GPHN: variants seen among roughly 807,000 people sequenced by gnomAD.
GPHN encodes the protein gephyrin.
A neutral mutation model predicts 95.5 loss-of-function variants in GPHN; 17 were observed. That is an observed-to-expected ratio of 0.18 (90% CI 0.12 to 0.27). The LOEUF (loss-of-function observed/expected upper bound fraction) is 0.27. Ranked by LOEUF, GPHN falls within the 10% of genes least tolerant of loss-of-function variation. The pLI is 1.00. For synonymous variants in GPHN, 320 were observed against 322.5 expected (o/e 0.99, Z 0.08); for missense variants, 660 against 978.1 (o/e 0.67, Z 4.34).
At chr14:66,528,861 G>T (rs527601974) in intron 1 of GPHN, among the ~76,000 whole-genome samples, 1 of 152,106 alleles carries the variant, frequency 6.6e-6, no homozygotes. Flanking sequence ...TTCCTTTGTG[G>T]ATAACCCGAC....
the GPHN span, among the ~76,000 whole-genome samples, chr14:67,671,379 G>T: frequency 6.6e-6 from 1 of 151,816 alleles, no homozygotes; most frequent in Non-Finnish European, 1.5e-5. Context: ...TACAAAAATT[G>T]GCTAGGTGTG....
chr14:66,616,081 T>A (rs1368878377), intron 1 of GPHN, among the ~76,000 whole-genome samples: 2 of 151,838 alleles, frequency 1.3e-5, no homozygotes, highest in African/African-American at 4.8e-5. Context: ...TATGCCTGTT[T>A]TGGTACCAGT....
intron 2 of GPHN, among the ~76,000 whole-genome samples, chr14:66,683,848 G>T (rs2067161711): frequency 6.6e-6 from 1 of 151,518 alleles, no homozygotes; most frequent in African/African-American, 2.4e-5. Flanking sequence ...GTGGTGGCGG[G>T]CACCTGTAGT....
chr14:66,949,269 G>T (rs1209958082), intron 8 of GPHN, among the ~76,000 whole-genome samples: 2 of 152,078 alleles, frequency 1.3e-5, no homozygotes, highest in Non-Finnish European at 2.9e-5. Context: ...ATTTTTAGTA[G>T]AGACAGGGTC....
At chr14:67,316,726 A>G in the GPHN span, 1 of 812,152 alleles carries the variant, frequency 1.2e-6, no homozygotes, top group Non-Finnish European at 1.9e-6. Context: ...TTGGAAGGGA[A>G]TATAAGTGAA....
At chr14:67,203,110 A>C in the GPHN span, 1 of 1,613,006 alleles carries the variant, frequency 6.2e-7, no homozygotes, top group East Asian at 2.2e-5. Context: ...AGAAGAGGTG[A>C]ATCCATTTAC....
intron 2 of GPHN, among the ~76,000 whole-genome samples, chr14:66,759,541 A>G (rs947623348): frequency 6.6e-6 from 1 of 152,252 alleles, no homozygotes; most frequent in African/African-American, 2.4e-5. Context: ...TATCTGAGGT[A>G]AGAATAGCAA....
chr14:66,977,788 CTGTT>C (rs949879791), intron 9 of GPHN, among the ~76,000 whole-genome samples: 1 of 152,084 alleles, frequency 6.6e-6, no homozygotes, highest in African/African-American at 2.4e-5. Flanking sequence ...ATATACATAT[CTGTT>C]TGGTTTTTGT....
the GPHN span, among the ~76,000 whole-genome samples, chr14:67,698,449 A>G: frequency 6.6e-6 from 1 of 152,158 alleles, no homozygotes; most frequent in Non-Finnish European, 1.5e-5. Flanking sequence ...TGGGTGGCAG[A>G]GCAAAAACCT....
At chr14:67,520,653 G>T in the GPHN span, among the ~76,000 whole-genome samples, 2 of 151,028 alleles carry the variant, frequency 1.3e-5, no homozygotes, top group African/African-American at 4.9e-5. Flanking sequence ...CTCCATGCAG[G>T]TTTTTATGTG....
intron 1 of GPHN, among the ~76,000 whole-genome samples, chr14:66,563,120 CTA>C (rs1282520285): frequency 3.9e-5 from 6 of 152,012 alleles, no homozygotes; most frequent in African/African-American, 1.4e-4. Flanking sequence ...AATATATAAT[CTA>C]TGAAGAACTT....
chr14:67,204,501 G>A, the GPHN span: 3 of 1,581,850 alleles, frequency 1.9e-6, no homozygotes, highest in Non-Finnish European at 2.6e-6. Context: ...CCTCCCATCA[G>A]GTCTCCAGAT....
chr14:67,591,356 A>G, the GPHN span, among the ~76,000 whole-genome samples: 1 of 152,240 alleles, frequency 6.6e-6, no homozygotes. Flanking sequence ...CTTAAACACT[A>G]GAAATCTATA....
At chr14:67,231,245 T>C in the GPHN span, among the ~76,000 whole-genome samples, 6,460 of 152,224 alleles carry the variant, frequency 0.042, 823 homozygotes, top group East Asian at 0.42. Flanking sequence ...ATCAGATTAG[T>C]GGTTGCCTGG....
chr14:67,659,678 G>T, the GPHN span: 2 of 1,515,538 alleles, frequency 1.3e-6, no homozygotes, highest in Non-Finnish European at 8.9e-7. Flanking sequence ...GTTAATTTTT[G>T]TACCACAGGC....
intron 2 of GPHN, among the ~76,000 whole-genome samples, chr14:66,710,189 G>A (rs977719485): frequency 6.6e-6 from 1 of 152,056 alleles, no homozygotes; most frequent in Non-Finnish European, 1.5e-5. Flanking sequence ...TATTTTAAAA[G>A]TTCATTGATA....
chr14:66,675,947 T>G (rs1031374070), intron 1 of GPHN, among the ~76,000 whole-genome samples: 1 of 152,180 alleles, frequency 6.6e-6, no homozygotes, highest in Non-Finnish European at 1.5e-5. Flanking sequence ...CACTGATTCT[T>G]GCATGTTGAT....
the GPHN span, among the ~76,000 whole-genome samples, chr14:67,601,496 G>A: frequency 6.6e-6 from 1 of 152,154 alleles, no homozygotes. Context: ...AAGCAGGAGC[G>A]GGAGATGCAG....
At chr14:67,534,567 A>G in the GPHN span, among the ~76,000 whole-genome samples, 1 of 152,160 alleles carries the variant, frequency 6.6e-6, no homozygotes, top group Non-Finnish European at 1.5e-5. Context: ...GCCATAACTG[A>G]AACCCAAGCC....
Sources: gnomAD v4.1 joint callset for allele counts (sites outside exome capture counted in the v4.1 genomes callset) on GRCh38, gnomAD v4.1.1 for gene constraint, MANE v1.5 for transcripts, NCBI Gene and HGNC (gene_info 2026-07-23, HGNC 2026-07-21) for gene names.